The following LAMA1 variants were observed in gnomAD, a reference collection of about 807,000 sequenced individuals.
LAMA1 encodes the protein laminin subunit alpha 1.
A neutral mutation model predicts 348.7 loss-of-function variants in LAMA1; 219 were observed. The observed-to-expected ratio is 0.63, with a 90% CI of 0.56 to 0.70. The LOEUF is 0.70. LAMA1 is among the 30% of genes least tolerant of loss of function. LAMA1 has a pLI of 0.00. For missense variants in LAMA1, 3,744 were observed against 3,888.0 expected (o/e 0.96, Z 0.99); for synonymous variants, 1,487 against 1,491.0 (o/e 1.00, Z 0.06).
rs2057764015 is a variant in LAMA1 at position 6,992,663 on chromosome 18, T to C, written c.5066A>G (p.Asn1689Ser). The change falls in exon 36 of 63, where the codon AAT becomes AGT. Residue 1689 changes from asparagine (N) to serine (S), a missense_variant. Around this residue, in one of 3 missense-constraint regions of LAMA1, gnomAD observed 1,983 missense variants for 1,934.3 expected, o/e 1.03. Transcript: ENST00000389658. ...CTGTTGCATGTTCTGAAGAGTAGAA[T>C]TGGGTAGTAGGAAATCTTCATCCAA... ...QTLDEDFLLP[N>S]STLQNMQQNG... The C allele has an allele frequency of 6.2e-7, 1 of 1,613,878 alleles. No homozygotes were observed. Among genetic ancestry groups the C allele is most frequent in the South Asian group, 1.1e-5 (1 of 91,076 alleles).
intron 3 of LAMA1, among the ~76,000 whole-genome samples, chr18:7,062,361 A>C (rs1205771540): frequency 1.3e-5 from 2 of 152,178 alleles, no homozygotes; most frequent in African/African-American, 4.8e-5. Context: ...AAAGACACTG[A>C]GGGGAACTCT....
At chr18:6,946,789 C>A (rs1348545833) in intron 61 of LAMA1, among the ~76,000 whole-genome samples, 1 of 152,014 alleles carries the variant, frequency 6.6e-6, no homozygotes, top group East Asian at 1.9e-4. Flanking sequence ...ATGGGGCCCT[C>A]CCTGTACATT....
chr18:7,002,302 G>C lies in LAMA1; in HGVS notation c.4344C>G (p.Asp1448Glu). ...YYGKVTGSAS[D>E]CALCACPHSP... ...TGTGAGGACAGGCACACAGAGCACAGTCACTTGCTGAGCCAGTCACCTTCC... is the reference window on the plus strand; with the variant it reads ...TGTGAGGACAGGCACACAGAGCACACTCACTTGCTGAGCCAGTCACCTTCC... Residue 1448 changes from aspartate to glutamate, a missense_variant, in exon 30 of 63, where the codon GAC (aspartate) becomes GAG (glutamate). Physicochemically the swap from Asp to Glu is conservative, Grantham distance 45 (BLOSUM62 2). This residue lies in a region of LAMA1 where 1,983 missense variants were observed against 1,934.3 expected (regional missense o/e 1.03). Transcript: ENST00000389658. 1.2e-6 allele frequency: 2 copies of C among 1,613,364 alleles called. No individual in the cohort carries two copies. Among genetic ancestry groups the C allele is most frequent in the East Asian group, 2.2e-5 (1 of 44,870 alleles).
intron 18 of LAMA1, among the ~76,000 whole-genome samples, chr18:7,024,002 C>T (rs1266602469): frequency 6.6e-6 from 1 of 151,698 alleles, no homozygotes; most frequent in African/African-American, 2.4e-5. Flanking sequence ...TCATGCCCGG[C>T]CTTTTGTTTT....
At chr18:7,071,561 G>A (rs754751626) in intron 3 of LAMA1, among the ~76,000 whole-genome samples, 1 of 152,170 alleles carries the variant, frequency 6.6e-6, no homozygotes, top group Non-Finnish European at 1.5e-5. Context: ...GCACCAAAAT[G>A]TCAGGCCTGA....
rs145833415 is a variant in LAMA1 at position 7,075,619 on chromosome 18, G to A, written c.345+4356C>T. Among the ~76,000 whole-genome samples, 329 of 148,552 alleles carry A rather than the reference G, an allele frequency of 2.2e-3. 11 individuals carry two copies. The East Asian group carries it at 0.059, about 27-fold the overall frequency. On this transcript the variant is annotated intron_variant, in intron 3 of 62. Coordinates refer to ENST00000389658, the MANE Select transcript of LAMA1 (RefSeq NM_005559.4). ...GTCTGGGAAACAAGAGCGAAACTCC[G>A]TCTCAAAAAAAAAATAACGGAAGAA...
chr18:6,969,992 T>A lies in LAMA1; in HGVS notation c.6899+1865A>T, dbSNP rs188487442. On this transcript the variant is annotated intron_variant, in intron 48 of 62. Coordinates refer to ENST00000389658, the MANE Select transcript of LAMA1 (RefSeq NM_005559.4). ...GGGACTTTTTCATACTAGAAATGTT[T>A]AATTTCTGTTAACCATTTTTCTTTC... Among the ~76,000 whole-genome samples, 20 of 152,302 alleles carry A rather than the reference T, an allele frequency of 1.3e-4. No homozygotes were observed. In the East Asian group the frequency reaches 3.7e-3, roughly 28 times the overall value.
intron 3 of LAMA1, 199 bp downstream of exon 3, chr18:7,079,776 T>C (rs893465258): frequency 8.3e-6 from 5 of 601,334 alleles, no homozygotes; most frequent in Non-Finnish European, 1.2e-5. Context: ...CCCATCTCCC[T>C]GAAGACACCT....
chr18:7,110,894 C>A (rs868609097), intron 1 of LAMA1, among the ~76,000 whole-genome samples: 9 of 151,660 alleles, frequency 5.9e-5, no homozygotes, highest in Non-Finnish European at 1.2e-4. Context: ...TCCCTCCCCC[C>A]CCCCACTTCT....
intron 1 of LAMA1, among the ~76,000 whole-genome samples, chr18:7,105,522 G>A (rs915182101): frequency 1.3e-5 from 2 of 152,072 alleles, no homozygotes; most frequent in Non-Finnish European, 1.5e-5. Context: ...GGTGAATAAA[G>A]ACAGCTAGAC....
At chr18:7,104,204 C>A (rs1004810663) in intron 1 of LAMA1, among the ~76,000 whole-genome samples, 1 of 152,136 alleles carries the variant, frequency 6.6e-6, no homozygotes, top group Non-Finnish European at 1.5e-5. Flanking sequence ...GTCTTGAACT[C>A]CTGACCTCAT....
At chr18:7,089,352 C>G (rs547919987) in intron 1 of LAMA1, among the ~76,000 whole-genome samples, 37 of 11,890 alleles carry the variant, frequency 3.1e-3, no homozygotes, top group African/African-American at 0.022. Context: ...GCACTCCAGC[C>G]TGGGCAAAAA....
chr18:7,012,465 G>T (rs952662032), intron 23 of LAMA1, among the ~76,000 whole-genome samples: 5 of 148,368 alleles, frequency 3.4e-5, no homozygotes, highest in Admixed American at 2.7e-4. Context: ...AGAGCCACCG[G>T]CCAGGTGATA....
At chr18:7,001,130 C>CAT (rs151167207) in intron 30 of LAMA1, among the ~76,000 whole-genome samples, 7,935 of 152,172 alleles carry the variant, frequency 0.052, 502 homozygotes, top group African/African-American at 0.15. Context: ...TATGAATAGA[C>CAT]GTGGATATGA....
At position 7,017,213 on chromosome 18, in the gene LAMA1, C is replaced by T. The variant is rs907224766; in HGVS notation, c.2808+65G>A. On this transcript the variant is annotated intron_variant, in intron 20 of 62. Coordinates refer to ENST00000389658, the MANE Select transcript of LAMA1 (RefSeq NM_005559.4). The stretch of plus-strand genomic sequence containing the variant: ...AATACACTTGGGGACTTAGCTCCTT[C>T]TGAGTCATGGATTCAATCGCCTCTG... 6.2e-6 allele frequency: 8 copies of T among 1,289,440 alleles called. No homozygotes were observed. The Admixed American group carries it at 1.1e-4, about 18-fold the overall frequency. The allele number at this position is 1,289,440 out of a possible 1,614,324, so 79.9% of individuals were successfully genotyped here.
chr18:7,085,685 T>G (rs919626189), intron 1 of LAMA1, among the ~76,000 whole-genome samples: 2 of 152,166 alleles, frequency 1.3e-5, no homozygotes, highest in East Asian at 1.9e-4. Flanking sequence ...CCCAAAGTGC[T>G]GGGATTACAG....
intron 3 of LAMA1, among the ~76,000 whole-genome samples, chr18:7,079,120 C>T (rs966396844): frequency 3.3e-5 from 5 of 152,206 alleles, no homozygotes; most frequent in Non-Finnish European, 1.5e-5. Context: ...ATCACAATTA[C>T]TTGTGTCTTT....
At position 7,093,937 on chromosome 18, in the gene LAMA1, G is replaced by C. The variant is rs181803109; in HGVS notation, c.62-13480C>G. 2.6e-5 allele frequency among the ~76,000 whole-genome samples: 4 copies of C among 151,754 alleles called. No individual in the cohort carries two copies. The East Asian group carries it at 7.9e-4, about 30-fold the overall frequency. ...ACTACAGGTGTGTGCCACCATGCCC[G>C]GCTAATTTTTTGTATTTTTAGTAGA... On this transcript the variant is annotated intron_variant, in intron 1 of 62. Coordinates refer to ENST00000389658, the MANE Select transcript of LAMA1 (RefSeq NM_005559.4).
chr18:6,949,028 T>C, intron 59 of LAMA1, 73 bp downstream of exon 59: 1 of 1,572,564 alleles, frequency 6.4e-7, no homozygotes, highest in African/African-American at 1.3e-5. Flanking sequence ...AAAGATGCCG[T>C]GAGGTATGCT....
Sources: allele counts gnomAD v4.1 joint callset (sites outside exome capture counted in the v4.1 genomes callset), GRCh38; gene constraint gnomAD v4.1.1; regional missense constraint gnomAD v4.1.1; transcripts MANE v1.5; gene names NCBI Gene and HGNC (gene_info 2026-07-23, HGNC 2026-07-21).